Variants in SGSM1 observed in about 807,000 individuals in gnomAD.
SGSM1 encodes the protein small G protein signaling modulator 1, also known as RUN and TBC1 domain containing 2.
A neutral mutation model predicts 133.8 loss-of-function variants in SGSM1; 73 were observed. That is an observed-to-expected ratio of 0.55 (90% CI 0.45 to 0.66). The LOEUF (loss-of-function observed/expected upper bound fraction) is 0.66. SGSM1 is among the 30% of genes least tolerant of loss of function. The pLI, the probability that SGSM1 is intolerant of heterozygous loss-of-function variation, is 0.00. For synonymous variants in SGSM1, 563 were observed against 573.0 expected, an observed-to-expected ratio of 0.98 and a Z score of 0.25; for missense variants, 1,213 against 1,448.1, an observed-to-expected ratio of 0.84 and a Z score of 2.64.
intron 2 of SGSM1, among the ~76,000 whole-genome samples, chr22:24,838,819 C>A (rs1929626902): frequency 6.6e-6 from 1 of 151,474 alleles, no homozygotes; most frequent in Admixed American, 6.6e-5. Context: ...CCTCGAACTT[C>A]ATTCTTCTTG....
rs191094730 is a variant in SGSM1, at chr22:24,841,128, G to A, written c.64-3769G>A. Among the ~76,000 whole-genome samples the A allele has an allele frequency of 7.2e-4, 110 of 152,338 alleles. 1 individual carries two copies. Among genetic ancestry groups the A allele is most frequent in the East Asian group, 1.9e-3 (10 of 5,190 alleles). ...GCCTCCCAAAGTGCTGGGATTACAG[G>A]CGTGAGCCACCGTGCCCTGCTGTGT... On this transcript the variant is annotated intron_variant, in intron 2 of 24. Coordinates refer to ENST00000400358, the MANE Select transcript of SGSM1 (RefSeq NM_001098497.3).
intron 23 of SGSM1, among the ~76,000 whole-genome samples, chr22:24,919,185 T>A (rs1229279545): frequency 6.6e-6 from 1 of 151,698 alleles, no homozygotes; most frequent in Non-Finnish European, 1.5e-5. Context: ...GTAGCTGGGA[T>A]TACAGGCACC....
intron 2 of SGSM1, among the ~76,000 whole-genome samples, chr22:24,828,760 A>G (rs1281256859): frequency 2.6e-5 from 4 of 152,252 alleles, no homozygotes; most frequent in African/African-American, 9.6e-5. Context: ...TTCTGTTATA[A>G]AGACATATGC....
intron 2 of SGSM1, among the ~76,000 whole-genome samples, chr22:24,822,546 T>A (rs913751714): frequency 6.6e-6 from 1 of 152,236 alleles, no homozygotes; most frequent in African/African-American, 2.4e-5. Context: ...GATAGGACAT[T>A]TCTTTTTATC....
At chr22:24,825,709 C>A (rs985298807) in intron 2 of SGSM1, among the ~76,000 whole-genome samples, 1 of 152,196 alleles carries the variant, frequency 6.6e-6, no homozygotes, top group African/African-American at 2.4e-5. Flanking sequence ...GGATTACAGG[C>A]GTGAGGCACT....
At chr22:24,837,587 C>CG (rs746893469) in intron 2 of SGSM1, among the ~76,000 whole-genome samples, 1,357 of 47,288 alleles carry the variant, frequency 0.029, 47 homozygotes, top group Non-Finnish European at 0.034. Context: ...GACCCCCCCC[C>CG]CCCCTTTCCC....
At chr22:24,900,352 T>TTCCTTCCTTCC (rs1933092688) in intron 19 of SGSM1, among the ~76,000 whole-genome samples, 1 of 74,120 alleles carries the variant, frequency 1.3e-5, no homozygotes, top group African/African-American at 6.2e-5. Context: ...TCTTTCTTTC[T>TTCCTTCCTTCC]TTCTTTCTTT....
chr22:24,842,447 T>A (rs1264467264), intron 2 of SGSM1, among the ~76,000 whole-genome samples: 2 of 152,162 alleles, frequency 1.3e-5, no homozygotes, highest in Non-Finnish European at 2.9e-5. Context: ...TTTTTTCAAA[T>A]AAAATACTCT....
intron 2 of SGSM1, chr22:24,843,557 CAT>C (rs1929924788): frequency 6.6e-6 from 1 of 152,260 alleles, no homozygotes; most frequent in Non-Finnish European, 1.5e-5. Flanking sequence ...CTCAGGGTGA[CAT>C]AGAGCTGGAA....
intron 2 of SGSM1, among the ~76,000 whole-genome samples, chr22:24,835,310 G>C (rs1376748246): frequency 6.6e-6 from 1 of 152,026 alleles, no homozygotes; most frequent in Non-Finnish European, 1.5e-5. Flanking sequence ...CTTTACCTGC[G>C]TCGCCTCATC....
intron 16 of SGSM1, among the ~76,000 whole-genome samples, chr22:24,892,677 A>G (rs1444443392): frequency 6.6e-6 from 1 of 152,058 alleles, no homozygotes; most frequent in African/African-American, 2.4e-5. Flanking sequence ...ATAGGTACTT[A>G]TCAAATTGAG....
chr22:24,876,445 G>C (rs1222011251), intron 12 of SGSM1, 132 bp from the exon 13 acceptor site: 4 of 1,186,976 alleles, frequency 3.4e-6, no homozygotes, highest in Middle Eastern at 2.9e-4. Context: ...GTTTCCTACT[G>C]TCATCTTCAG....
intron 12 of SGSM1, among the ~76,000 whole-genome samples, chr22:24,870,858 ATG>A (rs1160613693): frequency 6.6e-6 from 1 of 152,174 alleles, no homozygotes; most frequent in African/African-American, 2.4e-5. Context: ...CAGAGCTTCC[ATG>A]GGAGATTAAG....
rs747870465 is a variant in SGSM1 at position 24,898,338 on chromosome 22, T to A, written c.2389T>A (p.Ser797Thr). 1 of 1,613,708 alleles carries A rather than the reference T, an allele frequency of 6.2e-7. No homozygotes were observed. Among genetic ancestry groups the A allele is most frequent in the East Asian group, 2.2e-5 (1 of 44,860 alleles). ...CAACGAGAGCATGGACGAGTTCATG[T>A]CCATCACGGGCAGCCTGGACATGGC... ...LANESMDEFMSITGSLDMALP... is the reference protein window; with the variant it reads ...LANESMDEFMTITGSLDMALP... The change falls in exon 19 of 25, where the codon TCC becomes ACC. Residue 797 changes from serine to threonine, a missense_variant. Coordinates refer to ENST00000400358, the MANE Select transcript of SGSM1 (RefSeq NM_001098497.3).
At chr22:24,830,402 T>A (rs991422206) in intron 2 of SGSM1, among the ~76,000 whole-genome samples, 2 of 152,110 alleles carry the variant, frequency 1.3e-5, no homozygotes, top group Admixed American at 1.3e-4. Context: ...GAGCTTAACC[T>A]CTCTGAGTTT....
intron 17 of SGSM1, 135 bp from the exon 18 acceptor site, chr22:24,895,088 T>C (rs947245428): frequency 6.1e-6 from 5 of 825,628 alleles, no homozygotes; most frequent in Admixed American, 2.1e-5. Context: ...AGGAAACTGA[T>C]GCTCTGAGAG....
chr22:24,806,341 G>A lies in SGSM1; in HGVS notation c.16G>A (p.Ala6Thr). 2.0e-6 allele frequency: 3 copies of A among 1,476,620 alleles called. No homozygotes were observed. Among genetic ancestry groups the A allele is most frequent in the Non-Finnish European group, 1.8e-6 (2 of 1,116,186 alleles). The allele number at this position is 1,476,620 out of a possible 1,614,324, so 91.5% of individuals were successfully genotyped here. Residue 6 changes from alanine to threonine, a missense_variant, in exon 1 of 25, where the codon GCG (alanine) becomes ACG (threonine). Ala to Thr is a moderately conservative substitution (Grantham distance 58, BLOSUM62 0). Transcript: ENST00000400358. ...GCTCGGAGCCATGGCCTCGGCCCCCGCGGGTAAGAGGCCGCTGGACACGAG... is the reference window on the plus strand; with the variant it reads ...GCTCGGAGCCATGGCCTCGGCCCCCACGGGTAAGAGGCCGCTGGACACGAG... MASAP[A>T]EAETRQRLLR... is the part of the protein sequence containing the mutation.
chr22:24,815,026 G>A (rs959605989), intron 2 of SGSM1, among the ~76,000 whole-genome samples: 1 of 152,214 alleles, frequency 6.6e-6, no homozygotes, highest in Non-Finnish European at 1.5e-5. Context: ...GGACAAGGGG[G>A]CTAAGAATGC....
chr22:24,881,725 T>TCAC (rs1932346153), intron 14 of SGSM1, among the ~76,000 whole-genome samples: 2 of 152,222 alleles, frequency 1.3e-5, no homozygotes, highest in South Asian at 4.1e-4. Context: ...CTCATCATCA[T>TCAC]CACTATGACT....
Sources: allele counts gnomAD v4.1 joint callset (sites outside exome capture counted in the v4.1 genomes callset), GRCh38; gene constraint gnomAD v4.1.1; transcripts MANE v1.5; gene names NCBI Gene and HGNC (gene_info 2026-07-23, HGNC 2026-07-21).